Variants in HDAC9 observed in about 807,000 individuals in gnomAD.
HDAC9 encodes the protein histone deacetylase 9.
A neutral mutation model predicts 139.4 loss-of-function variants in HDAC9; 41 were observed. The ratio of observed to expected loss-of-function variants is 0.29; its 90% CI spans 0.23 to 0.38. The LOEUF is 0.38. Among genes scored for constraint, HDAC9 ranks in the 10% least tolerant of loss-of-function variants. HDAC9 has a pLI of 1.00. For missense variants in HDAC9, 1,147 were observed against 1,297.0 expected (o/e 0.88, Z 1.78); for synonymous variants, 517 against 476.2 (o/e 1.09, Z -1.12).
chr7:18,353,787 T>A (rs977088352), intron 1 of HDAC9, among the ~76,000 whole-genome samples: 1 of 152,210 alleles, frequency 6.6e-6, no homozygotes, highest in Non-Finnish European at 1.5e-5. Flanking sequence ...AAGTAGCAGG[T>A]ACACAACTTT....
At chr7:18,921,570 A>G (rs1803729825) in intron 22 of HDAC9, among the ~76,000 whole-genome samples, 1 of 152,184 alleles carries the variant, frequency 6.6e-6, no homozygotes, top group Admixed American at 6.5e-5. Flanking sequence ...TTAAAAAGTC[A>G]GGAAACAACA....
At chr7:18,805,998 G>A (rs1204711277) in intron 17 of HDAC9, among the ~76,000 whole-genome samples, 1 of 152,200 alleles carries the variant, frequency 6.6e-6, no homozygotes, top group Non-Finnish European at 1.5e-5. Flanking sequence ...CTGTGGGTCA[G>A]CTGAGGAGTT....
chr7:18,546,511 T>C (rs148228048), intron 2 of HDAC9, among the ~76,000 whole-genome samples: 1 of 152,310 alleles, frequency 6.6e-6, no homozygotes, highest in Non-Finnish European at 1.5e-5. Context: ...CTTCTCCTTA[T>C]ATTTCAACCT....
intron 6 of HDAC9, among the ~76,000 whole-genome samples, chr7:18,594,976 T>C (rs1375093770): frequency 2.0e-5 from 3 of 152,098 alleles, no homozygotes; most frequent in Non-Finnish European, 2.9e-5. Context: ...GTGAAAATGA[T>C]TTCAAATAAT....
rs1562802142 is a variant in HDAC9, at chr7:18,257,438, A to ACACACACACAC, written c.25+95089_25+95090insCACACACACAC. On this transcript the variant is annotated intron_variant, in intron 2 of 12. Transcript: ENST00000417496. Reference sequence around the variant, plus strand: ...ACACACACACACACACACACACACAAAAAGAAAAAAAGAAAAAGTAGCATA... The same window carrying ACACACACACAC: ...ACACACACACACACACACACACACAACACACACACACAAAGAAAAAAAGAAAAAGTAGCATA... Among the ~76,000 whole-genome samples, 216 of 132,532 alleles carry ACACACACACAC rather than the reference A, an allele frequency of 1.6e-3. 1 individual carries two copies. The highest frequency in any genetic ancestry group is 5.8e-3 in the African/African-American group (208 of 35,696). 86.9% of individuals were successfully genotyped at this position (132,532 alleles called of 152,430 possible).
intron 22 of HDAC9, among the ~76,000 whole-genome samples, chr7:18,916,022 G>GGAAAAAAAAAAAAAAAAAAAAAAAA (rs1491394538): frequency 1.4e-5 from 2 of 138,122 alleles, no homozygotes; most frequent in Non-Finnish European, 1.6e-5. Flanking sequence ...CCCCCCGCTG[G>GGAAAAAAAAAAAAAAAAAAAAAAAA]AAAAAAAAAA....
intron 14 of HDAC9, among the ~76,000 whole-genome samples, chr7:18,756,491 G>T (rs550667377): frequency 1.3e-5 from 2 of 152,312 alleles, no homozygotes; most frequent in East Asian, 3.9e-4. Flanking sequence ...CAGGTTTCCT[G>T]TTTGGCCTCA....
chr7:18,618,734 A>G (rs1245522839), intron 6 of HDAC9, among the ~76,000 whole-genome samples: 9 of 82,038 alleles, frequency 1.1e-4, no homozygotes, highest in Non-Finnish European at 1.7e-4. Flanking sequence ...TTGTATATAT[A>G]TATATATATA....
chr7:18,706,394 T>C (rs1171251616), intron 12 of HDAC9, among the ~76,000 whole-genome samples: 1 of 152,208 alleles, frequency 6.6e-6, no homozygotes, highest in Non-Finnish European at 1.5e-5. Context: ...ATTTGCTTAA[T>C]GATTGACAAT....
chr7:18,638,342 A>T (rs931547422), intron 8 of HDAC9, among the ~76,000 whole-genome samples: 3 of 152,084 alleles, frequency 2.0e-5, no homozygotes, highest in Non-Finnish European at 4.4e-5. Context: ...CTATCTTGTA[A>T]TTCACATGTC....
chr7:18,266,724 T>C (rs1050767465), intron 2 of HDAC9, among the ~76,000 whole-genome samples: 1 of 152,196 alleles, frequency 6.6e-6, no homozygotes, highest in South Asian at 2.1e-4. Flanking sequence ...CTGCCTTGAT[T>C]GTTGATAATT....
intron 22 of HDAC9, among the ~76,000 whole-genome samples, chr7:18,896,102 T>C (rs1344233887): frequency 6.6e-6 from 1 of 152,036 alleles, no homozygotes; most frequent in Non-Finnish European, 1.5e-5. Context: ...CCAAGTGTTA[T>C]TTATGAAGGA....
intron 1 of HDAC9, among the ~76,000 whole-genome samples, chr7:18,380,034 A>G (rs1487744558): frequency 6.6e-6 from 1 of 152,222 alleles, no homozygotes; most frequent in East Asian, 1.9e-4. Context: ...CTCTAAAACC[A>G]ATTGAGTTCT....
At chr7:18,972,719 G>A (rs1784324215) in intron 24 of HDAC9, among the ~76,000 whole-genome samples, 1 of 152,046 alleles carries the variant, frequency 6.6e-6, no homozygotes, top group Admixed American at 6.6e-5. Flanking sequence ...AATTAGCCGT[G>A]TCTCCAGTTT....
At chr7:18,505,572 A>G (rs1293228086) in intron 2 of HDAC9, among the ~76,000 whole-genome samples, 5 of 152,196 alleles carry the variant, frequency 3.3e-5, no homozygotes, top group Admixed American at 6.5e-5. Context: ...TATTATCATC[A>G]TACTACGTTT....
chr7:18,235,639 A>G (rs569940746), intron 2 of HDAC9, among the ~76,000 whole-genome samples: 88 of 152,322 alleles, frequency 5.8e-4, no homozygotes, highest in African/African-American at 2.0e-3. Context: ...CTTAACTTTA[A>G]TCCTTAACTA....
At chr7:18,210,123 G>A (rs757874745) in intron 2 of HDAC9, among the ~76,000 whole-genome samples, 14 of 152,058 alleles carry the variant, frequency 9.2e-5, no homozygotes, top group Admixed American at 1.3e-4. Context: ...GTGAAGCACA[G>A]TAGGAATTCT....
chr7:18,729,922 G>C (rs757826268), intron 13 of HDAC9, among the ~76,000 whole-genome samples: 7 of 152,060 alleles, frequency 4.6e-5, no homozygotes, highest in African/African-American at 7.2e-5. Flanking sequence ...GAATTTACTA[G>C]TTCAAATTTG....
At chr7:18,259,367 G>A (rs1002097289) in intron 2 of HDAC9, among the ~76,000 whole-genome samples, 4 of 151,716 alleles carry the variant, frequency 2.6e-5, no homozygotes, top group Non-Finnish European at 5.9e-5. Context: ...AGACAAGCCT[G>A]TTTTTTCTTT....
Sources: allele counts gnomAD v4.1 joint callset (sites outside exome capture counted in the v4.1 genomes callset), GRCh38; gene constraint gnomAD v4.1.1; transcripts MANE v1.5; gene names NCBI Gene and HGNC (gene_info 2026-07-23, HGNC 2026-07-21).